MMS22L: variants seen among roughly 807,000 people sequenced by gnomAD.
The protein encoded by MMS22L is MMS22 like, DNA repair protein.
In MMS22L, 74 loss-of-function variants were observed where a neutral mutation model predicts 159.1. That is an observed-to-expected ratio of 0.47 (90% CI 0.39 to 0.56). MMS22L has a LOEUF of 0.56. Among genes scored for constraint, MMS22L ranks in the 20% least tolerant of loss-of-function variants. The pLI is 0.00. For missense variants in MMS22L, 1,351 were observed against 1,422.1 expected, an observed-to-expected ratio of 0.95 and a Z score of 0.80; for synonymous variants, 517 against 506.9, an observed-to-expected ratio of 1.02 and a Z score of -0.27.
chr6:97,279,950 T>C (rs947814435), intron 3 of MMS22L, among the ~76,000 whole-genome samples: 2 of 152,196 alleles, frequency 1.3e-5, no homozygotes, highest in Non-Finnish European at 2.9e-5. Flanking sequence ...TCCATCTTAA[T>C]TCCTGATAGC....
chr6:97,187,570 C>T (rs769172262), intron 14 of MMS22L, among the ~76,000 whole-genome samples: 15 of 151,956 alleles, frequency 9.9e-5, no homozygotes, highest in Non-Finnish European at 1.8e-4. Context: ...GATACATTTA[C>T]ATTTGCATTT....
At chr6:97,176,356 T>C (rs182396457) in intron 18 of MMS22L, among the ~76,000 whole-genome samples, 121 of 152,200 alleles carry the variant, frequency 8.0e-4, no homozygotes, top group Admixed American at 1.3e-3. Context: ...TTAACTTCCC[T>C]AGCCTAAAAA....
At chr6:97,223,978 G>A (rs1362638304) in intron 14 of MMS22L, among the ~76,000 whole-genome samples, 5 of 152,132 alleles carry the variant, frequency 3.3e-5, no homozygotes, top group African/African-American at 9.7e-5. Flanking sequence ...GGCAATATAA[G>A]CTGAACATGA....
intron 13 of MMS22L, chr6:97,230,306 T>C (rs947763226): frequency 1.3e-5 from 2 of 149,438 alleles, no homozygotes; most frequent in Non-Finnish European, 3.0e-5. Flanking sequence ...AATTTCACCA[T>C]GTTGTCCAGG....
intron 14 of MMS22L, among the ~76,000 whole-genome samples, chr6:97,215,188 G>A (rs750799210): frequency 1.9e-4 from 29 of 151,134 alleles, no homozygotes; most frequent in Non-Finnish European, 4.1e-4. Context: ...CCAACAAGGA[G>A]GATTTTTTCT....
At chr6:97,162,780 A>AT (rs1397360696) in intron 21 of MMS22L, among the ~76,000 whole-genome samples, 1 of 152,014 alleles carries the variant, frequency 6.6e-6, no homozygotes, top group Non-Finnish European at 1.5e-5. Flanking sequence ...AAGGATAATA[A>AT]TTTGACTCAT....
intron 21 of MMS22L, among the ~76,000 whole-genome samples, chr6:97,163,110 T>C (rs1022086513): frequency 6.6e-6 from 1 of 152,022 alleles, no homozygotes; most frequent in Admixed American, 6.6e-5. Flanking sequence ...TTTGAGGTTT[T>C]GTCCAATTTT....
At chr6:97,186,400 G>T in intron 15 of MMS22L, 97 bp downstream of exon 15, 1 of 923,840 alleles carries the variant, frequency 1.1e-6, no homozygotes. Flanking sequence ...CTGACAAAAT[G>T]TTTGCTATAC....
chr6:97,196,251 A>G (rs1056743238), intron 14 of MMS22L, among the ~76,000 whole-genome samples: 2 of 152,198 alleles, frequency 1.3e-5, no homozygotes, highest in African/African-American at 4.8e-5. Flanking sequence ...AAAAAACAGG[A>G]TTCAAAGAAG....
chr6:97,265,067 C>T (rs1009609827), intron 8 of MMS22L: 2 of 152,080 alleles, frequency 1.3e-5, no homozygotes, highest in African/African-American at 4.8e-5. Context: ...TAGGAAATCA[C>T]AAAAGGTCCT....
At chr6:97,190,251 A>T (rs1212131740) in intron 14 of MMS22L, among the ~76,000 whole-genome samples, 1 of 152,256 alleles carries the variant, frequency 6.6e-6, no homozygotes, top group African/African-American at 2.4e-5. Flanking sequence ...TGGCTGTTTT[A>T]TGAGGCATTA....
Position 97,272,633 on chromosome 6 carries a change from CCTT to C in MMS22L, c.606+68_606+70del. 2.9e-6 allele frequency: 4 copies of C among 1,356,600 alleles called. No individual in the cohort carries two copies. In the South Asian group the frequency reaches 4.2e-5, roughly 14 times the overall value. 84.0% of individuals were successfully genotyped at this position (1,356,600 alleles called of 1,614,324 possible). ...AGCTGTAATTCTGACTAATTTCTCTCCTTCTTGAATGAATACTCCTTGTGGGGA... is the reference window on the plus strand; with the variant it reads ...AGCTGTAATTCTGACTAATTTCTCTCCTTGAATGAATACTCCTTGTGGGGA... On this transcript the variant is annotated intron_variant, in intron 6 of 24. Coordinates refer to ENST00000683635, the MANE Select transcript of MMS22L (RefSeq NM_001350599.2).
At chr6:97,246,507 T>C in intron 11 of MMS22L, 121 bp downstream of exon 11, 1 of 741,658 alleles carries the variant, frequency 1.3e-6, no homozygotes, top group Non-Finnish European at 2.2e-6. Flanking sequence ...GAGTTAACCC[T>C]TCAAAGCATG....
At chr6:97,181,882 T>C (rs369105201) in intron 16 of MMS22L, 22 bp downstream of exon 16, 2 of 1,604,312 alleles carry the variant, frequency 1.2e-6, no homozygotes, top group Non-Finnish European at 1.7e-6. Flanking sequence ...TTAATGTGTA[T>C]GCCTGAAATA....
In MMS22L at chr6:97,218,349, G is replaced by A. The variant is rs74703864; in HGVS notation, c.2039+10545C>T. ...CATATGGACACTGGCAAGAATTGTT[G>A]GATAAGCATATAAAATTTCAGGACA... On this transcript the variant is annotated intron_variant, in intron 14 of 24. Coordinates refer to ENST00000683635, the MANE Select transcript of MMS22L (RefSeq NM_001350599.2). Among the ~76,000 whole-genome samples the A allele has an allele frequency of 4.5e-3, 679 of 152,186 alleles. 3 individuals are homozygous for A. The highest frequency in any genetic ancestry group is 0.015 in the African/African-American group (632 of 41,500).
At chr6:97,208,126 C>T (rs79796544) in intron 14 of MMS22L, among the ~76,000 whole-genome samples, 1 of 152,144 alleles carries the variant, frequency 6.6e-6, no homozygotes, top group East Asian at 1.9e-4. Flanking sequence ...CAACCTGAGT[C>T]ATCAGATCAT....
intron 14 of MMS22L, among the ~76,000 whole-genome samples, chr6:97,220,418 A>G (rs909403284): frequency 6.6e-6 from 1 of 152,198 alleles, no homozygotes; most frequent in Non-Finnish European, 1.5e-5. Flanking sequence ...GTACAAAACA[A>G]CTATGAATAT....
chr6:97,234,607 T>C (rs1175776833), intron 11 of MMS22L, among the ~76,000 whole-genome samples: 2 of 152,178 alleles, frequency 1.3e-5, no homozygotes, highest in Admixed American at 1.3e-4. Flanking sequence ...TTTAACGTAC[T>C]AGGCATAGGA....
intron 17 of MMS22L, 105 bp downstream of exon 17, chr6:97,179,303 C>G: frequency 1.0e-6 from 1 of 967,982 alleles, no homozygotes; most frequent in Non-Finnish European, 1.5e-6. Context: ...TACCCAATTA[C>G]GAATATTTTG....
Sources: gnomAD v4.1 joint callset for allele counts (sites outside exome capture counted in the v4.1 genomes callset) on GRCh38, gnomAD v4.1.1 for gene constraint, MANE v1.5 for transcripts, NCBI Gene and HGNC (gene_info 2026-07-23, HGNC 2026-07-21) for gene names.